ZNF577: variants seen among roughly 807,000 people sequenced by gnomAD.
The protein encoded by ZNF577 is zinc finger protein 577.
In ZNF577, 14 loss-of-function variants were observed where a neutral mutation model predicts 13.9. The observed-to-expected ratio is 1.00, with a 90% CI of 0.66 to 1.57. The LOEUF (loss-of-function observed/expected upper bound fraction) is 1.57, where lower values mean the gene tolerates loss of function less well. ZNF577 is among the 40% of genes most tolerant of loss of function. The pLI, the probability that ZNF577 is intolerant of heterozygous loss-of-function variation, is 0.00. For synonymous variants in ZNF577, 203 were observed against 202.9 expected (o/e 1.00, Z 0.00); for missense variants, 555 against 579.2 (o/e 0.96, Z 0.43).
intron 9 of ZNF577, among the ~76,000 whole-genome samples, chr19:51,835,572 T>G (rs1456019328): frequency 6.6e-6 from 1 of 152,166 alleles, no homozygotes; most frequent in Non-Finnish European, 1.5e-5. Flanking sequence ...AATACAAAAA[T>G]TGTGCTTGAA....
chr19:51,887,887 A>C lies in ZNF577; in HGVS notation c.-1285T>G, dbSNP rs967543491. On this transcript the variant is annotated 5_prime_UTR_variant, in exon 1 of 6. Coordinates refer to ENST00000638348, the MANE Select transcript of ZNF577 (RefSeq NM_001370449.1). ...GCGAGTCAGGGACCCGAAGTCTCTA[A>C]ACACTCGCCTCTACCCGCCGCCCCG... is the stretch of plus-strand genomic sequence containing the variant. 6 of 152,222 alleles carry C rather than the reference A, an allele frequency of 3.9e-5. No individual in the cohort carries two copies. Among genetic ancestry groups the C allele is most frequent in the African/African-American group, 1.4e-4 (6 of 41,450 alleles). 9.4% of individuals were successfully genotyped at this position (152,222 alleles called of 1,614,324 possible).
At chr19:51,878,664 A>G in intron 3 of ZNF577, 149 bp from the exon 4 acceptor site, 2 of 933,200 alleles carry the variant, frequency 2.1e-6, no homozygotes, top group Non-Finnish European at 3.1e-6. Flanking sequence ...AATTCCACCA[A>G]TTCTGCCTAC....
chr19:51,818,265 T>C (rs1916152269), intron 9 of ZNF577, among the ~76,000 whole-genome samples: 1 of 152,260 alleles, frequency 6.6e-6, no homozygotes, highest in African/African-American at 2.4e-5. Context: ...GTTCCAATGA[T>C]ACCCTTTTTG....
chr19:51,864,527 G>C (rs1408161664), downstream of ZNF577, among the ~76,000 whole-genome samples: 1 of 152,202 alleles, frequency 6.6e-6, no homozygotes. Flanking sequence ...TTTGGCAAGA[G>C]ATAATGGACA....
At chr19:51,885,906 G>A (rs1347652252) in intron 1 of ZNF577, among the ~76,000 whole-genome samples, 1 of 152,108 alleles carries the variant, frequency 6.6e-6, no homozygotes, top group Non-Finnish European at 1.5e-5. Context: ...CTTGATAGTG[G>A]AATGGATAAT....
Position 51,824,676 on chromosome 19 carries a change from C to T in ZNF577, c.*600-13002G>A. ...CTACGTCTTTATGGGTCGTAACTTC[C>T]AAGAAAGACTGATTCGCTCTTTGCC... On this transcript the variant is annotated intron_variant and NMD_transcript_variant, in intron 9 of 10. Transcript: ENST00000638827. The surrounding 1 kb of genome is among the most constrained non-coding windows in gnomAD (Gnocchi z 4.7). The T allele has an allele frequency of 6.2e-7, 1 of 1,614,118 alleles. No individual in the cohort carries two copies. Among genetic ancestry groups the T allele is most frequent in the Non-Finnish European group, 8.5e-7 (1 of 1,180,002 alleles).
intron 10 of ZNF577, among the ~76,000 whole-genome samples, chr19:51,810,004 G>A (rs529348915): frequency 9.9e-5 from 15 of 152,222 alleles, no homozygotes; most frequent in South Asian, 8.3e-4. Context: ...CCTCTGTTAC[G>A]CAAGGACAAA....
chr19:51,866,024 A>G (rs966763772), downstream of ZNF577, among the ~76,000 whole-genome samples: 1 of 152,046 alleles, frequency 6.6e-6, no homozygotes, highest in African/African-American at 2.4e-5. Context: ...CTGAGGCAGG[A>G]GAATTGCTTG....
intron 5 of ZNF577, among the ~76,000 whole-genome samples, chr19:51,847,743 C>T (rs1486905082): frequency 2.0e-5 from 3 of 152,152 alleles, no homozygotes; most frequent in East Asian, 1.9e-4. Context: ...TCCCAAGTCA[C>T]GGAATTCCCA....
Position 51,860,406 on chromosome 19 carries a change from T to C in ZNF577, c.284-15475A>G, listed in dbSNP as rs148083148. 3.9e-5 allele frequency: 6 copies of C among 152,524 alleles called. 1 individual carries two copies. The highest frequency in any genetic ancestry group is 4.1e-4 in the South Asian group (2 of 4,842). The allele number at this position is 152,524 out of a possible 1,614,324, so 9.4% of individuals were successfully genotyped here. On this transcript the variant is annotated intron_variant and NMD_transcript_variant, in intron 5 of 10. Transcript: ENST00000638827. ...AATGTATGACTCTGCTGAAGCAGAA[T>C]AGATATGGCTCCATTAGGATTTTAT...
At chr19:51,858,947 T>C (rs529482538) in intron 5 of ZNF577, among the ~76,000 whole-genome samples, 75 of 152,322 alleles carry the variant, frequency 4.9e-4, no homozygotes, top group African/African-American at 1.7e-3. Flanking sequence ...TCAAAAACAT[T>C]TTCATCATTC....
Position 51,870,779 on chromosome 19 carries a change from G to A in ZNF577, c.*1753C>T, listed in dbSNP as rs953305099. Among the ~76,000 whole-genome samples, 7 of 152,084 alleles carry A rather than the reference G, an allele frequency of 4.6e-5. No homozygotes were observed. Among genetic ancestry groups the A allele is most frequent in the Admixed American group, 4.6e-4 (7 of 15,262 alleles). On this transcript the variant is annotated 3_prime_UTR_variant, in exon 6 of 6. Transcript: ENST00000638348. ...AACTCTGTCTCAATTCAGAGAGATG[G>A]CTGGGATCTGCTTGGGTTTCTCCTC...
rs766983623 is a variant in ZNF577, at chr19:51,872,947, T to A, written c.1043A>T (p.His348Leu). The A allele has an allele frequency of 6.2e-7, 1 of 1,614,088 alleles. No individual in the cohort carries two copies. The highest frequency in any genetic ancestry group is 8.5e-7 in the Non-Finnish European group (1 of 1,180,046). Residue 348 changes from histidine (H) to leucine (L), a missense_variant, in exon 6 of 6, where the codon CAC (histidine) becomes CTC (leucine). Coordinates refer to ENST00000638348, the MANE Select transcript of ZNF577 (RefSeq NM_001370449.1). ...GCATGAATATGGTCTCTCTCCAGTG[T>A]GAGTACGCTGATGCTGAATGAGCTT... Reference protein sequence around the residue: ...KSKLIQHQRTHTGERPYSCRE... With the variant: ...KSKLIQHQRTLTGERPYSCRE...
chr19:51,879,854 A>G (rs1372300445), intron 3 of ZNF577, among the ~76,000 whole-genome samples: 1 of 152,216 alleles, frequency 6.6e-6, no homozygotes, highest in Non-Finnish European at 1.5e-5. Context: ...TTAAACATAG[A>G]AAAAGCAAAA....
At chr19:51,874,344 G>T (rs1167040603) in intron 5 of ZNF577, among the ~76,000 whole-genome samples, 4 of 152,266 alleles carry the variant, frequency 2.6e-5, no homozygotes, top group Non-Finnish European at 5.9e-5. Flanking sequence ...GAAAATTACA[G>T]AATGTGAAGA....
At chr19:51,878,286 T>G in intron 4 of ZNF577, 103 bp downstream of exon 4, 1 of 1,271,504 alleles carries the variant, frequency 7.9e-7, no homozygotes, top group South Asian at 1.8e-5. Flanking sequence ...ACAAAAAATC[T>G]ATAACATATA....
At chr19:51,811,046 A>T (rs1363969944) in intron 10 of ZNF577, among the ~76,000 whole-genome samples, 1 of 152,106 alleles carries the variant, frequency 6.6e-6, no homozygotes, top group African/African-American at 2.4e-5. Context: ...TTTTATTTTC[A>T]TCTGGAGCTG....
In ZNF577 at chr19:51,848,573, T is replaced by C. The variant is rs2084365646; in HGVS notation, c.284-3642A>G. Among the ~76,000 whole-genome samples, 3 of 152,056 alleles carry C rather than the reference T, an allele frequency of 2.0e-5. No homozygotes were observed. The South Asian group carries it at 6.2e-4, about 32-fold the overall frequency. On this transcript the variant is annotated intron_variant and NMD_transcript_variant, in intron 5 of 10. Coordinates refer to the ZNF577 transcript ENST00000638827. ...GTATGGGAAGAGCTCTCTGGATGTG[T>C]GGTTTGTGGGGAGAGATGGTGAGGG...
intron 4 of ZNF577, 96 bp downstream of exon 4, chr19:51,878,293 T>C (rs1194617847): frequency 2.3e-6 from 3 of 1,321,316 alleles, no homozygotes; most frequent in Non-Finnish European, 3.1e-6. Context: ...ATCTATAACA[T>C]ATAATACTTT....
Sources: allele counts gnomAD v4.1 joint callset (sites outside exome capture counted in the v4.1 genomes callset), GRCh38; gene constraint gnomAD v4.1.1; non-coding constraint Gnocchi (gnomAD v3.1); transcripts MANE v1.5; gene names NCBI Gene and HGNC (gene_info 2026-07-23, HGNC 2026-07-21).